The following GALNT18 variants were observed in gnomAD, a reference collection of about 807,000 sequenced individuals.
GALNT18 encodes polypeptide N-acetylgalactosaminyltransferase 18.
In GALNT18, 44 loss-of-function variants were observed where a neutral mutation model predicts 69.5. The ratio of observed to expected loss-of-function variants is 0.63; its 90% confidence interval spans 0.50 to 0.81. GALNT18 has a LOEUF of 0.81. GALNT18 is among the 40% of genes least tolerant of loss of function. GALNT18 has a pLI of 0.00. For synonymous variants in GALNT18, 364 were observed against 318.2 expected, an observed-to-expected ratio of 1.14 and a Z score of -1.53; for missense variants, 715 against 810.0, an observed-to-expected ratio of 0.88 and a Z score of 1.42.
rs1860051692 is a variant in GALNT18, at chr11:11,616,419, CTTT to C, written c.235+4937_235+4939del. Among the ~76,000 whole-genome samples, 1 of 152,150 alleles carries C rather than the reference CTTT, an allele frequency of 6.6e-6. No individual in the cohort carries two copies. ...AATCTTTCATAAAAATGTTCAGACT[CTTT>C]GAGTCAGTACTAATCCCACTTCTGG... On this transcript the variant is annotated intron_variant, in intron 1 of 10. Coordinates refer to ENST00000227756, the MANE Select transcript of GALNT18 (RefSeq NM_198516.3). The surrounding 1 kb of genome is among the most constrained non-coding windows in gnomAD (Gnocchi z 4.4).
At position 11,404,891 on chromosome 11, in the gene GALNT18, G is replaced by A. The variant is rs1302825368; in HGVS notation, c.596-25627C>T. Among the ~76,000 whole-genome samples the A allele has an allele frequency of 1.3e-5, 2 of 152,124 alleles. No individual in the cohort carries two copies. The highest frequency in any genetic ancestry group is 2.9e-5 in the Non-Finnish European group (2 of 68,026). ...TCAGCAGACCCGGACTCCACTCCCA[G>A]CCCATGGCCACCCAGGCCAATCATG... On this transcript the variant is annotated intron_variant, in intron 3 of 10. Transcript: ENST00000227756. This position sits in a 1 kb window ranked among gnomAD's most constrained non-coding sequence, Gnocchi z 4.5.
rs1215606844 is a variant in GALNT18, at chr11:11,555,009, T to G, written c.235+66350A>C. Among the ~76,000 whole-genome samples the G allele has an allele frequency of 6.6e-6, 1 of 152,224 alleles. No individual in the cohort carries two copies. On this transcript the variant is annotated intron_variant, in intron 1 of 10. Transcript: ENST00000227756. This position sits in a 1 kb window ranked among gnomAD's most constrained non-coding sequence, Gnocchi z 4.7. ...AACCTACTCTTGCAGGCACCTTCCT[T>G]GCACTTTGAGATTGTGGTCTCACTA...
At chr11:11,293,611 G>A (rs1029471872) in intron 9 of GALNT18, among the ~76,000 whole-genome samples, 5 of 136,774 alleles carry the variant, frequency 3.7e-5, no homozygotes, top group African/African-American at 1.4e-4. Flanking sequence ...CGCTATTTCG[G>A]CTCACTGCAA....
At chr11:11,553,265 A>G (rs775762659) in intron 1 of GALNT18, among the ~76,000 whole-genome samples, 1 of 152,134 alleles carries the variant, frequency 6.6e-6, no homozygotes, top group Non-Finnish European at 1.5e-5. Flanking sequence ...TTATCTTCCC[A>G]TGCCACCAGG....
intron 1 of GALNT18, among the ~76,000 whole-genome samples, chr11:11,489,699 T>C (rs1004296539): frequency 1.3e-5 from 2 of 152,180 alleles, no homozygotes; most frequent in African/African-American, 4.8e-5. Flanking sequence ...ATATTAATAA[T>C]AGCAAACATT....
intron 3 of GALNT18, among the ~76,000 whole-genome samples, chr11:11,405,034 C>A (rs1202922908): frequency 6.6e-6 from 1 of 152,222 alleles, no homozygotes. Context: ...AACTGTATGT[C>A]AGGTGGCCAG....
At chr11:11,483,326 T>A (rs961028047) in intron 1 of GALNT18, among the ~76,000 whole-genome samples, 2 of 152,138 alleles carry the variant, frequency 1.3e-5, no homozygotes, top group African/African-American at 4.8e-5. Context: ...CTCCCATGAG[T>A]CTATGCTATG....
chr11:11,348,615 C>T (rs1043426872), intron 6 of GALNT18, among the ~76,000 whole-genome samples: 12 of 152,250 alleles, frequency 7.9e-5, no homozygotes, highest in African/African-American at 2.9e-4. Flanking sequence ...TGAGAACTGG[C>T]CCTGTCTCTT....
intron 6 of GALNT18, among the ~76,000 whole-genome samples, chr11:11,365,060 C>T (rs888890879): frequency 5.3e-5 from 8 of 151,820 alleles, no homozygotes; most frequent in African/African-American, 1.9e-4. Flanking sequence ...GATACGAGTG[C>T]AGAACATGCA....
At position 11,461,510 on chromosome 11, in the gene GALNT18, A is replaced by G. The variant is rs1781707570; in HGVS notation, c.236-12574T>C. On this transcript the variant is annotated intron_variant, in intron 1 of 10. Transcript: ENST00000227756. The surrounding 1 kb of genome is among the most constrained non-coding windows in gnomAD (Gnocchi z 4.1). ...CTTTAAAGCAACCTTTAAAGCTAGA[A>G]TTCTGCCTAGGAGAGATATAATAAA... is the stretch of plus-strand genomic sequence containing the variant. 6.6e-6 allele frequency among the ~76,000 whole-genome samples: 1 copy of G among 152,180 alleles called. No individual in the cohort carries two copies. The highest frequency in any genetic ancestry group is 2.1e-4 in the South Asian group (1 of 4,818).
rs1858593120 is a variant in GALNT18, at chr11:11,564,453, C to G, written c.235+56906G>C. 6.6e-6 allele frequency among the ~76,000 whole-genome samples: 1 copy of G among 152,152 alleles called. No individual in the cohort carries two copies. The highest frequency in any genetic ancestry group is 1.5e-5 in the Non-Finnish European group (1 of 68,026). On this transcript the variant is annotated intron_variant, in intron 1 of 10. Coordinates refer to ENST00000227756, the MANE Select transcript of GALNT18 (RefSeq NM_198516.3). The surrounding 1 kb of genome is among the most constrained non-coding windows in gnomAD (Gnocchi z 4.3). ...ATAAAATAGCTCCATCACATGAGAC[C>G]CCCCTGGGTCTTCTCATCCATGCCT...
intron 1 of GALNT18, among the ~76,000 whole-genome samples, chr11:11,485,282 C>A (rs1300444100): frequency 6.6e-6 from 1 of 152,204 alleles, no homozygotes; most frequent in African/African-American, 2.4e-5. Context: ...ACTTCAGATG[C>A]TGCTTGCAAG....
At chr11:11,363,620 A>G (rs1358372570) in intron 6 of GALNT18, among the ~76,000 whole-genome samples, 2 of 152,204 alleles carry the variant, frequency 1.3e-5, no homozygotes, top group Non-Finnish European at 2.9e-5. Context: ...CTGTTGTCCT[A>G]AGTTTGAATG....
In GALNT18 at chr11:11,415,205, T is replaced by C. The variant is rs557680788; in HGVS notation, c.595+17416A>G. Among the ~76,000 whole-genome samples, 7 of 152,336 alleles carry C rather than the reference T, an allele frequency of 4.6e-5. No homozygotes were observed. Among genetic ancestry groups the C allele is most frequent in the Admixed American group, 4.6e-4 (7 of 15,300 alleles). Reference sequence around the variant, plus strand: ...TGCTTTCAGAAGGTTCATGTGATTATGTCAGGCCCAACCAACCGATTGGGG... The same window carrying C: ...TGCTTTCAGAAGGTTCATGTGATTACGTCAGGCCCAACCAACCGATTGGGG... On this transcript the variant is annotated intron_variant, in intron 3 of 10. Transcript: ENST00000227756. The surrounding 1 kb of genome is among the most constrained non-coding windows in gnomAD (Gnocchi z 4.1).
intron 1 of GALNT18, among the ~76,000 whole-genome samples, chr11:11,525,270 T>G (rs1427444933): frequency 1.3e-5 from 2 of 152,048 alleles, no homozygotes; most frequent in African/African-American, 4.8e-5. Flanking sequence ...TGACTGAAAG[T>G]TTCCACTGGA....
intron 9 of GALNT18, among the ~76,000 whole-genome samples, chr11:11,296,894 G>A (rs1328494154): frequency 6.6e-6 from 1 of 152,130 alleles, no homozygotes; most frequent in Non-Finnish European, 1.5e-5. Context: ...CCAGCCTAGC[G>A]GATTAAATAA....
chr11:11,342,819 T>G (rs904564660), intron 6 of GALNT18, among the ~76,000 whole-genome samples: 5 of 152,218 alleles, frequency 3.3e-5, no homozygotes, highest in African/African-American at 1.2e-4. Context: ...AGCCACTTGA[T>G]CTCACTGTGC....
At position 11,555,443 on chromosome 11, in the gene GALNT18, C is replaced by A. The variant is rs1858310326; in HGVS notation, c.235+65916G>T. Among the ~76,000 whole-genome samples, 1 of 152,236 alleles carries A rather than the reference C, an allele frequency of 6.6e-6. No homozygotes were observed. The highest frequency in any genetic ancestry group is 1.5e-5 in the Non-Finnish European group (1 of 68,050). On this transcript the variant is annotated intron_variant, in intron 1 of 10. Transcript: ENST00000227756. The surrounding 1 kb of genome is among the most constrained non-coding windows in gnomAD (Gnocchi z 4.7). ...CAGCCCAGGAGTGGCCACGTGCCAG[C>A]AGGCGTGCAGCTTAAAACACAGGTC...
chr11:11,315,364 T>G lies in GALNT18; in HGVS notation c.1512+11722A>C, dbSNP rs1347989675. On this transcript the variant is annotated intron_variant, in intron 9 of 10. Transcript: ENST00000227756. The surrounding 1 kb of genome is among the most constrained non-coding windows in gnomAD (Gnocchi z 5.6). ...TGGATTAATGAAACAACTCACTCCA[T>G]CATCACTTACCAATGAGGAGACAGA... Among the ~76,000 whole-genome samples the G allele has an allele frequency of 6.6e-6, 1 of 152,068 alleles. No homozygotes were observed. The highest frequency in any genetic ancestry group is 1.5e-5 in the Non-Finnish European group (1 of 68,008).
Sources: allele counts gnomAD v4.1 joint callset (sites outside exome capture counted in the v4.1 genomes callset), GRCh38; gene constraint gnomAD v4.1.1; non-coding constraint Gnocchi (gnomAD v3.1); transcripts MANE v1.5; gene names NCBI Gene and HGNC (gene_info 2026-07-23, HGNC 2026-07-21).